The following CLASP1 variants were observed in gnomAD, a reference collection of about 807,000 sequenced individuals.
CLASP1 encodes the protein CLIP-associating protein 1.
Under a neutral mutation model 192.3 loss-of-function variants are expected in CLASP1, and 38 were observed. The observed-to-expected ratio is 0.20, with a 90% CI of 0.15 to 0.26. The LOEUF (loss-of-function observed/expected upper bound fraction) is 0.26. CLASP1 is among the 10% of genes least tolerant of loss of function. The pLI is 1.00. For missense variants in CLASP1, 1,433 were observed against 1,932.5 expected (o/e 0.74, Z 4.85); for synonymous variants, 691 against 712.8 (o/e 0.97, Z 0.49).
chr2:121,638,668 TTA>T lies in CLASP1; in HGVS notation c.-286+10702_-286+10703del, dbSNP rs1279984312. Reference sequence around the variant, plus strand: ...AATAAAAAAAGAATGGTGTTCTTTTTTATTTTTTTTTTTTTTGAGACAGAGTT... The same window carrying T: ...AATAAAAAAAGAATGGTGTTCTTTTTTTTTTTTTTTTTTTGAGACAGAGTT... On this transcript the variant is annotated intron_variant, in intron 1 of 39. Coordinates refer to ENST00000263710, the Ensembl canonical transcript of CLASP1. 6.7e-3 allele frequency among the ~76,000 whole-genome samples: 916 copies of T among 137,036 alleles called. 19 individuals are homozygous for T. The highest frequency in any genetic ancestry group is 0.058 in the Admixed American group (830 of 14,196). 89.9% of individuals were successfully genotyped at this position (137,036 alleles called of 152,430 possible).
intron 38 of CLASP1, among the ~76,000 whole-genome samples, chr2:121,348,265 T>C (rs2063729561): frequency 6.6e-6 from 1 of 152,072 alleles, no homozygotes; most frequent in African/African-American, 2.4e-5. Context: ...CAAAGTATGT[T>C]TATAGTAAAC....
At chr2:121,499,838 A>G (rs945854850) in intron 8 of CLASP1, among the ~76,000 whole-genome samples, 1 of 151,934 alleles carries the variant, frequency 6.6e-6, no homozygotes, top group Non-Finnish European at 1.5e-5. Flanking sequence ...TAAGATAAAC[A>G]GAAGTAAATA....
chr2:121,428,687 T>G (rs1162022710), intron 20 of CLASP1, among the ~76,000 whole-genome samples: 1 of 152,182 alleles, frequency 6.6e-6, no homozygotes, highest in Non-Finnish European at 1.5e-5. Context: ...CTGAACTGCA[T>G]CCCTCATCAT....
intron 30 of CLASP1, chr2:121,388,209 G>C (rs1160381339): frequency 4.4e-6 from 1 of 225,256 alleles, no homozygotes; most frequent in Non-Finnish European, 8.7e-6. Flanking sequence ...GGTTAAGTAG[G>C]TAAATGAAAC....
At position 121,527,781 on chromosome 2, in the gene CLASP1, G is replaced by C; in HGVS notation, c.470+18C>G. On this transcript the variant is annotated intron_variant, in intron 5 of 39. Coordinates refer to ENST00000263710, the Ensembl canonical transcript of CLASP1. Reference sequence around the variant, plus strand: ...AAAATTCAGCCACGTAAAAATGTCAGGCTCATCCCAGACTTACGCATTGAG... The same window carrying C: ...AAAATTCAGCCACGTAAAAATGTCACGCTCATCCCAGACTTACGCATTGAG... 1 of 1,568,514 alleles carries C rather than the reference G, an allele frequency of 6.4e-7. No homozygotes were observed. Among genetic ancestry groups the C allele is most frequent in the South Asian group, 1.2e-5 (1 of 86,860 alleles).
At chr2:121,636,107 G>C (rs890597663) in intron 1 of CLASP1, among the ~76,000 whole-genome samples, 1 of 151,922 alleles carries the variant, frequency 6.6e-6, no homozygotes, top group African/African-American at 2.4e-5. Flanking sequence ...GGGAGGCTAA[G>C]GCAGGTGGAT....
At position 121,447,392 on chromosome 2, in the gene CLASP1, GC is replaced by G; in HGVS notation, c.1856del (p.Gly619AlafsTer19). 1 of 1,581,398 alleles carries G rather than the reference GC, an allele frequency of 6.3e-7. No individual in the cohort carries two copies. Among genetic ancestry groups the G allele is most frequent in the Non-Finnish European group, 8.6e-7 (1 of 1,163,600 alleles). ...CTGCTGCAGAGCTGAAAGGCGTCGT[GC>G]CCGAAGATGAGGAGACTTTGGATTT... is the stretch of plus-strand genomic sequence containing the variant. On this transcript the variant is annotated frameshift_variant, in exon 19 of 40. Transcript: ENST00000263710. LOFTEE classifies it high-confidence loss of function.
intron 1 of CLASP1, among the ~76,000 whole-genome samples, chr2:121,613,905 T>C (rs1040506096): frequency 6.6e-6 from 1 of 152,218 alleles, no homozygotes; most frequent in African/African-American, 2.4e-5. Flanking sequence ...GTGCTAGTCT[T>C]TCCTGGGATC....
At chr2:121,628,449 G>A (rs188231043) in intron 1 of CLASP1, among the ~76,000 whole-genome samples, 87 of 152,158 alleles carry the variant, frequency 5.7e-4, no homozygotes, top group African/African-American at 2.0e-3. Context: ...CCTGAGGTGC[G>A]TGGATCACTT....
At chr2:121,521,145 C>A (rs1268893014) in intron 6 of CLASP1, among the ~76,000 whole-genome samples, 5 of 152,110 alleles carry the variant, frequency 3.3e-5, no homozygotes, top group African/African-American at 1.2e-4. Flanking sequence ...GAAAAAAAGT[C>A]TATCTTTTAA....
At chr2:121,439,237 T>A (rs1034341909) in intron 19 of CLASP1, among the ~76,000 whole-genome samples, 23 of 152,372 alleles carry the variant, frequency 1.5e-4, no homozygotes, top group African/African-American at 5.5e-4. Flanking sequence ...ATTAGTCTTG[T>A]TAGCAGTCTA....
intron 2 of CLASP1, among the ~76,000 whole-genome samples, chr2:121,598,528 A>C (rs2063408948): frequency 6.6e-6 from 1 of 152,254 alleles, no homozygotes; most frequent in African/African-American, 2.4e-5. Flanking sequence ...TCTGGGTTTT[A>C]AGGAAAAGTT....
chr2:121,484,880 T>C (rs986264670), intron 8 of CLASP1, among the ~76,000 whole-genome samples: 2 of 152,254 alleles, frequency 1.3e-5, no homozygotes, highest in Non-Finnish European at 2.9e-5. Flanking sequence ...GATGAGGATC[T>C]ACTACATTTC....
At chr2:121,436,335 TATG>T (rs955467950) in intron 19 of CLASP1, among the ~76,000 whole-genome samples, 4 of 151,864 alleles carry the variant, frequency 2.6e-5, no homozygotes, top group Non-Finnish European at 5.9e-5. Flanking sequence ...CTGGCCTTAC[TATG>T]ATATGTTTAA....
intron 8 of CLASP1, among the ~76,000 whole-genome samples, chr2:121,496,390 C>T (rs1413202298): frequency 1.3e-5 from 2 of 152,114 alleles, no homozygotes; most frequent in African/African-American, 4.8e-5. Context: ...GAAATGAGCC[C>T]CATGTTGTCA....
At chr2:121,448,316 C>T (rs774222771) in exon 18 of CLASP1, 13 of 1,611,920 alleles carry the variant, frequency 8.1e-6, no homozygotes, top group Middle Eastern at 1.7e-4. Context: ...TTTTGGCAGA[C>T]AGCGGACGAC....
chr2:121,459,954 A>G (rs1414615991), intron 12 of CLASP1, 26 bp downstream of exon 12: 1 of 1,584,168 alleles, frequency 6.3e-7, no homozygotes. Flanking sequence ...TTTTATGGTG[A>G]GAATATGGAG....
intron 2 of CLASP1, among the ~76,000 whole-genome samples, chr2:121,604,616 CAA>C (rs1465955254): frequency 2.6e-5 from 4 of 152,084 alleles, no homozygotes; most frequent in African/African-American, 9.7e-5. Context: ...TGCAGTGAGC[CAA>C]GATAGTGCCA....
chr2:121,347,791 T>C (rs1173467871), intron 38 of CLASP1, among the ~76,000 whole-genome samples: 1 of 152,152 alleles, frequency 6.6e-6, no homozygotes, highest in African/African-American at 2.4e-5. Context: ...AATAATCTAG[T>C]CCTCAACAAT....
Sources: allele counts gnomAD v4.1 joint callset (sites outside exome capture counted in the v4.1 genomes callset), GRCh38; gene constraint gnomAD v4.1.1; transcripts MANE v1.5; gene names NCBI Gene and HGNC (gene_info 2026-07-23, HGNC 2026-07-21).